TXNDC8: variants seen among roughly 807,000 people sequenced by gnomAD.
TXNDC8 encodes the protein thioredoxin domain-containing protein 8.
A neutral mutation model predicts 12.9 loss-of-function variants in TXNDC8; 15 were observed. The observed-to-expected ratio is 1.16, with a 90% CI of 0.78 to 1.79. The LOEUF is 1.79. Ranked by LOEUF, TXNDC8 falls within the 40% of genes most tolerant of loss-of-function variation. The pLI is 0.00. For synonymous variants in TXNDC8, 40 were observed against 35.4 expected, an observed-to-expected ratio of 1.13 and a Z score of -0.46; for missense variants, 128 against 113.2, an observed-to-expected ratio of 1.13 and a Z score of -0.59.
At chr9:110,337,669 A>C in intron 1 of TXNDC8, 104 bp downstream of exon 1, 1 of 1,066,386 alleles carries the variant, frequency 9.4e-7, no homozygotes, top group Non-Finnish European at 1.4e-6. Context: ...GCTACAATGC[A>C]ATGATAGAAT....
downstream of TXNDC8, among the ~76,000 whole-genome samples, chr9:110,302,430 T>C (rs145866118): frequency 2.0e-3 from 310 of 152,302 alleles, 1 homozygote; most frequent in African/African-American, 7.0e-3. Flanking sequence ...GCCACTATGC[T>C]CTGCCTACTC....
At chr9:110,313,925 T>C (rs966346351) in intron 3 of TXNDC8, among the ~76,000 whole-genome samples, 6 of 152,148 alleles carry the variant, frequency 3.9e-5, no homozygotes, top group Admixed American at 1.3e-4. Context: ...AGATGAAACC[T>C]GAGACCAGAA....
At chr9:110,315,020 T>C (rs763093739) in intron 3 of TXNDC8, among the ~76,000 whole-genome samples, 4 of 152,188 alleles carry the variant, frequency 2.6e-5, no homozygotes, top group Non-Finnish European at 5.9e-5. Context: ...AGTCTTTTAT[T>C]ATGAACATTT....
Position 110,334,225 on chromosome 9 carries a change from A to T in TXNDC8, c.120T>A (p.Pro40=). 6.2e-7 allele frequency: 1 copy of T among 1,611,378 alleles called. No individual in the cohort carries two copies. The highest frequency in any genetic ancestry group is 8.5e-7 in the Non-Finnish European group (1 of 1,177,698). ...TACTGGTTGTACTCACATGGAAAACAGGAAACATCCTTTTGCAGGGACCAC... is the reference window on the plus strand; with the variant it reads ...TACTGGTTGTACTCACATGGAAAACTGGAAACATCCTTTTGCAGGGACCAC... The change falls in exon 2 of 5, where the codon CCT becomes CCA. Residue 40 remains proline (P), a synonymous_variant. Coordinates refer to ENST00000423740, the MANE Select transcript of TXNDC8 (RefSeq NM_001286946.2).
intron 3 of TXNDC8, among the ~76,000 whole-genome samples, chr9:110,311,611 G>T (rs1253327972): frequency 3.6e-5 from 3 of 82,650 alleles, no homozygotes; most frequent in South Asian, 3.8e-4. Context: ...TATATATATG[G>T]ATATAGTAAT....
At chr9:110,323,074 G>A (rs1839172496) in intron 3 of TXNDC8, 7 of 985,248 alleles carry the variant, frequency 7.1e-6, no homozygotes, top group African/African-American at 1.7e-5. Context: ...AATGGAGGGG[G>A]AGGACATCAC....
intron 2 of TXNDC8, among the ~76,000 whole-genome samples, chr9:110,331,140 T>G (rs1204158311): frequency 6.6e-6 from 1 of 152,230 alleles, no homozygotes; most frequent in Non-Finnish European, 1.5e-5. Context: ...ATTTTACTAG[T>G]CAGATGCATG....
chr9:110,326,940 G>GCACACACACACA (rs377527245), intron 2 of TXNDC8, among the ~76,000 whole-genome samples: 10,450 of 142,820 alleles, frequency 0.073, 434 homozygotes, highest in Non-Finnish European at 0.085. Flanking sequence ...TGCTACTCAT[G>GCACACACACACA]CACACACACA....
chr9:110,323,754 G>C (rs1208562394), intron 3 of TXNDC8: 3 of 1,285,294 alleles, frequency 2.3e-6, no homozygotes, highest in Non-Finnish European at 3.2e-6. Flanking sequence ...CTCTTGGCTT[G>C]ACTCTGTTTT....
At chr9:110,317,321 C>A (rs537405331) in intron 3 of TXNDC8, among the ~76,000 whole-genome samples, 56 of 152,288 alleles carry the variant, frequency 3.7e-4, no homozygotes, top group Admixed American at 9.8e-4. Flanking sequence ...CTCAAATGCC[C>A]AGTTTTGAGA....
chr9:110,319,172 T>C (rs1838998230), intron 3 of TXNDC8, among the ~76,000 whole-genome samples: 2 of 152,180 alleles, frequency 1.3e-5, no homozygotes, highest in African/African-American at 2.4e-5. Flanking sequence ...GTCCTGCACG[T>C]AAGAGGTTTC....
rs183266864 is a variant in TXNDC8, at chr9:110,303,748, A to G, written c.262-40T>C. ...ATACATTAAACACATTAAATTCATAATATTTTCATATTTGGCATCCTTTCA... is the reference window on the plus strand; with the variant it reads ...ATACATTAAACACATTAAATTCATAGTATTTTCATATTTGGCATCCTTTCA... On this transcript the variant is annotated intron_variant, in intron 4 of 4. Transcript: ENST00000423740. 5 of 1,491,500 alleles carry G rather than the reference A, an allele frequency of 3.4e-6. No homozygotes were observed. In the African/African-American group the frequency reaches 5.7e-5, roughly 17 times the overall value. 92.4% of individuals were successfully genotyped at this position (1,491,500 alleles called of 1,614,324 possible). A position where few individuals can be genotyped will look rare whatever the true frequency, so the allele number is the denominator to read the frequency against.
At chr9:110,307,744 C>G (rs868303842) in intron 3 of TXNDC8, among the ~76,000 whole-genome samples, 57 of 152,158 alleles carry the variant, frequency 3.7e-4, no homozygotes, top group Non-Finnish European at 6.8e-4. Flanking sequence ...AAGAATGTAA[C>G]CATTTGTCTT....
intron 2 of TXNDC8, among the ~76,000 whole-genome samples, chr9:110,331,327 ACT>A (rs1438200518): frequency 6.6e-6 from 1 of 151,934 alleles, no homozygotes; most frequent in South Asian, 2.1e-4. Context: ...TCTGCTTCTG[ACT>A]CTGACCGCTG....
intron 3 of TXNDC8, chr9:110,323,844 A>T (rs775312427): frequency 6.5e-6 from 10 of 1,546,468 alleles, no homozygotes; most frequent in Non-Finnish European, 8.7e-6. Context: ...TCCCAAATTC[A>T]AATCCAGTGA....
intron 3 of TXNDC8, among the ~76,000 whole-genome samples, chr9:110,305,613 T>TC (rs1838425714): frequency 6.7e-6 from 1 of 148,594 alleles, no homozygotes; most frequent in Non-Finnish European, 1.5e-5. Context: ...TTTCTTTCTT[T>TC]TTCTTCCTTC....
At chr9:110,337,308 T>A (rs2118894531) in intron 1 of TXNDC8, among the ~76,000 whole-genome samples, 1 of 152,362 alleles carries the variant, frequency 6.6e-6, no homozygotes, top group South Asian at 2.1e-4. Flanking sequence ...GAATTATCTC[T>A]GTCCTATACA....
At chr9:110,322,578 G>A (rs776330679) in intron 3 of TXNDC8, 5 of 985,448 alleles carry the variant, frequency 5.1e-6, no homozygotes, top group Non-Finnish European at 6.0e-6. Flanking sequence ...AGCTTGAATT[G>A]GTTCAAGAGC....
At chr9:110,336,021 TCTAAAAATATCTGACGG>T (rs1402819750) in intron 1 of TXNDC8, among the ~76,000 whole-genome samples, 1 of 152,142 alleles carries the variant, frequency 6.6e-6, no homozygotes, top group African/African-American at 2.4e-5. Flanking sequence ...AGTGAGTCAG[TCTAAAAATATCTGACGG>T]TTTTATAAAG....
Sources: gnomAD v4.1 joint callset for allele counts (sites outside exome capture counted in the v4.1 genomes callset) on GRCh38, gnomAD v4.1.1 for gene constraint, MANE v1.5 for transcripts, NCBI Gene and HGNC (gene_info 2026-07-23, HGNC 2026-07-21) for gene names.